APBA3: variants seen among roughly 807,000 people sequenced by gnomAD.
The protein encoded by APBA3 is amyloid beta precursor protein binding family A member 3.
Under a neutral mutation model 55.9 loss-of-function variants are expected in APBA3, and 45 were observed. The observed-to-expected ratio is 0.80, with a 90% CI of 0.63 to 1.03. The LOEUF is 1.03. Among genes scored for constraint, APBA3 ranks in the 50% least tolerant of loss-of-function variants. The pLI is 0.00. For missense variants in APBA3, 865 were observed against 820.3 expected, an observed-to-expected ratio of 1.05 and a Z score of -0.67; for synonymous variants, 370 against 353.3, an observed-to-expected ratio of 1.05 and a Z score of -0.53.
In APBA3 at chr19:3,751,548, C is replaced by T. The variant is rs769775292; in HGVS notation, c.1401G>A (p.Thr467=). The T allele has an allele frequency of 4.4e-6, 7 of 1,589,204 alleles. No homozygotes were observed. Among genetic ancestry groups the T allele is most frequent in the South Asian group, 1.1e-5 (1 of 87,896 alleles). Reference sequence around the variant, plus strand: ...TGAGTGTCACCGACGTCTGCGACTTCGTCTCCTGTGGGGCGGGGGCCGTTG... The same window carrying T: ...TGAGTGTCACCGACGTCTGCGACTTTGTCTCCTGTGGGGCGGGGGCCGTTG... The part of the protein sequence containing the change: ...LAACQAAVRE[T]KSQTSVTLSI... The change falls in exon 9 of 11, where the codon ACG becomes ACA. Residue 467 remains threonine, a synonymous_variant. Coordinates refer to ENST00000316757, the MANE Select transcript of APBA3 (RefSeq NM_004886.4).
intron 3 of APBA3, 82 bp downstream of exon 3, chr19:3,759,478 CA>C: frequency 8.7e-6 from 12 of 1,379,868 alleles, no homozygotes; most frequent in Non-Finnish European, 1.1e-5. Context: ...TCCTTACTGG[CA>C]AGCTGTTGCC....
intron 3 of APBA3, chr19:3,755,126 G>A (rs919837287): frequency 1.3e-5 from 2 of 152,200 alleles, no homozygotes; most frequent in Admixed American, 6.6e-5. Flanking sequence ...CTCTGTTCCC[G>A]GGTTGTAGAA....
rs751715629 is a variant in APBA3, at chr19:3,759,962, C to T, written c.303G>A (p.Gly101=). 1 of 1,610,186 alleles carries T rather than the reference C, an allele frequency of 6.2e-7. No individual in the cohort carries two copies. The highest frequency in any genetic ancestry group is 1.1e-5 in the South Asian group (1 of 90,890). The change falls in exon 2 of 11, where the codon GGG becomes GGA. Residue 101 remains glycine (G), a synonymous_variant. Transcript: ENST00000316757. ...CCCGGCCAGCTTCGGCAGACAGGAG[C>T]CCGTGGGCATCAGCAATCTCCTGGG... ...LASQEIADAH[G]LLSAEAGRDD...
intron 1 of APBA3, among the ~76,000 whole-genome samples, chr19:3,760,536 TCA>T (rs2037132590): frequency 6.6e-6 from 1 of 151,640 alleles, no homozygotes; most frequent in Non-Finnish European, 1.5e-5. Context: ...GATCATGGGG[TCA>T]GGAGTTTGAG....
At position 3,752,895 on chromosome 19, in the gene APBA3, C is replaced by T. The variant is rs2037027665; in HGVS notation, c.1107G>A (p.Val369=). 2 of 1,613,148 alleles carry T rather than the reference C, an allele frequency of 1.2e-6. No individual in the cohort carries two copies. Among genetic ancestry groups the T allele is most frequent in the Non-Finnish European group, 1.7e-6 (2 of 1,179,876 alleles). Residue 369 remains valine (V), a synonymous_variant, in exon 7 of 11, where the codon GTG becomes GTA. Coordinates refer to ENST00000316757, the MANE Select transcript of APBA3 (RefSeq NM_004886.4). ...ESGIDPSQVG[V]HPSPGACHLH... The stretch of plus-strand genomic sequence containing the variant: ...GGTGGCAGGCGCCTGGGCTCGGGTG[C>T]ACGCCCACCTGGCTGGGGTCAATAC...
chr19:3,754,258 C>G lies in APBA3; in HGVS notation c.699G>C (p.Ser233=). The G allele has an allele frequency of 1.3e-6, 2 of 1,548,472 alleles. No individual in the cohort carries two copies. The highest frequency in any genetic ancestry group is 1.7e-6 in the Non-Finnish European group (2 of 1,146,978). ...ARYLGSTQLV[S]ERNPPTSTRM... is the part of the protein sequence containing the mutation. Reference sequence around the variant, plus strand: ...GCGTGCTGGTGGGCGGGTTCCGTTCCGACACCAGCTGGGTGGACCCCAGGT... The same window carrying G: ...GCGTGCTGGTGGGCGGGTTCCGTTCGGACACCAGCTGGGTGGACCCCAGGT... The change falls in exon 4 of 11, where the codon TCG becomes TCC. Residue 233 remains serine, a synonymous_variant. Transcript: ENST00000316757.
At position 3,757,951 on chromosome 19, in the gene APBA3, T is replaced by G. The variant is rs192453159; in HGVS notation, c.616+1610A>C. On this transcript the variant is annotated intron_variant, in intron 3 of 10. Transcript: ENST00000316757. Reference sequence around the variant, plus strand: ...ACACTGAAATTTGTTTTTCTTTTTTTAGAGACAGAGTCTCACTCTATTGCC... The same window carrying G: ...ACACTGAAATTTGTTTTTCTTTTTTGAGAGACAGAGTCTCACTCTATTGCC... Among the ~76,000 whole-genome samples the G allele has an allele frequency of 3.9e-5, 6 of 152,334 alleles. No individual in the cohort carries two copies. In the East Asian group the frequency reaches 1.2e-3, roughly 29 times the overall value.
rs759582896 is a variant in APBA3 at position 3,752,817 on chromosome 19, C to A, written c.1182+3G>T. 1 of 1,612,744 alleles carries A rather than the reference C, an allele frequency of 6.2e-7. No individual in the cohort carries two copies. The highest frequency in any genetic ancestry group is 1.1e-5 in the South Asian group (1 of 91,030). ...GGTGGGGGCTGCCCAGCACCTCACT[C>A]ACCTCCCGGCAGTTGTCACTGTTGG... On this transcript the variant is annotated splice_donor_region_variant and intron_variant, in intron 7 of 10. Transcript: ENST00000316757.
rs749144277 is a variant in APBA3 at position 3,751,551 on chromosome 19, C to A, written c.1398G>T (p.Glu466Asp). ...PLAACQAAVR[E>D]TKSQTSVTLS... ...GTGTCACCGACGTCTGCGACTTCGTCTCCTGTGGGGCGGGGGCCGTTGGCC... is the reference window on the plus strand; with the variant it reads ...GTGTCACCGACGTCTGCGACTTCGTATCCTGTGGGGCGGGGGCCGTTGGCC... The change falls in exon 9 of 11, where the codon GAG becomes GAT. Residue 466 changes from glutamate to aspartate, a missense_variant and splice_region_variant. Physicochemically the swap from Glu to Asp is conservative, Grantham distance 45 (BLOSUM62 2). Transcript: ENST00000316757. 1 of 1,588,702 alleles carries A rather than the reference C, an allele frequency of 6.3e-7. No homozygotes were observed. Among genetic ancestry groups the A allele is most frequent in the Middle Eastern group, 2.3e-4 (1 of 4,430 alleles).
rs919768199 is a variant in APBA3 at position 3,751,230 on chromosome 19, G to A, written c.1615C>T (p.His539Tyr). The A allele has an allele frequency of 3.2e-6, 5 of 1,548,928 alleles. No homozygotes were observed. The highest frequency in any genetic ancestry group is 2.4e-5 in the East Asian group (1 of 41,166). ...INGQSVVATP[H>Y]ARIIELLTEA... ...GTGAGCAGCTCGATGATGCGGGCGTGTGGCGTGGCCACCACACTCTGCCCA... is the reference window on the plus strand; with the variant it reads ...GTGAGCAGCTCGATGATGCGGGCGTATGGCGTGGCCACCACACTCTGCCCA... Residue 539 changes from histidine (H) to tyrosine (Y), a missense_variant, in exon 10 of 11, where the codon CAC (histidine) becomes TAC (tyrosine). His to Tyr is a moderately conservative substitution (Grantham distance 83). Coordinates refer to ENST00000316757, the MANE Select transcript of APBA3 (RefSeq NM_004886.4).
chr19:3,754,295 A>G lies in APBA3; in HGVS notation c.662T>C (p.Phe221Ser), dbSNP rs774414077. The change falls in exon 4 of 11, where the codon TTT becomes TCT. Residue 221 changes from phenylalanine to serine, a missense_variant. Physicochemically the swap from Phe to Ser is radical, Grantham distance 155 (BLOSUM62 -2). Transcript: ENST00000316757. ...DHEDLLDGVI[F>S]GARYLGSTQL... ...GGTGGACCCCAGGTACCTGGCCCCAAATATGACACCGTCCAGGAGGTCTTC... is the reference window on the plus strand; with the variant it reads ...GGTGGACCCCAGGTACCTGGCCCCAGATATGACACCGTCCAGGAGGTCTTC... 5.8e-6 allele frequency: 9 copies of G among 1,555,354 alleles called. No homozygotes were observed. In the South Asian group the frequency reaches 7.1e-5, roughly 12 times the overall value.
At chr19:3,753,079 C>G in intron 6 of APBA3, 89 bp from the exon 7 acceptor site, 1 of 1,448,846 alleles carries the variant, frequency 6.9e-7, no homozygotes, top group Non-Finnish European at 9.3e-7. Flanking sequence ...CTGAGCCCTC[C>G]TGTCCCCACC....
chr19:3,755,813 GA>G (rs5826826), intron 3 of APBA3: 250 of 138,810 alleles, frequency 1.8e-3, no homozygotes, highest in Middle Eastern at 3.7e-3. Context: ...AAACAAAAAG[GA>G]AAAAAAAAAA....
In APBA3 at chr19:3,751,517, C is replaced by T. The variant is rs376088061; in HGVS notation, c.1432G>A (p.Val478Ile). Residue 478 changes from valine to isoleucine, a missense_variant, in exon 9 of 11, where the codon GTC becomes ATC. Coordinates refer to ENST00000316757, the MANE Select transcript of APBA3 (RefSeq NM_004886.4). ...GCGGTGGTGACGGGAGGGCAGTGGACGATGCTGAGTGTCACCGACGTCTGC... is the reference window on the plus strand; with the variant it reads ...GCGGTGGTGACGGGAGGGCAGTGGATGATGCTGAGTGTCACCGACGTCTGC... ...KSQTSVTLSI[V>I]HCPPVTTAII... 217 of 1,588,818 alleles carry T rather than the reference C, an allele frequency of 1.4e-4. 4 individuals carry two copies. Among genetic ancestry groups the T allele is most frequent in the Middle Eastern group, 8.9e-4 (4 of 4,496 alleles).
chr19:3,758,678 C>T (rs995473491), intron 3 of APBA3, among the ~76,000 whole-genome samples: 1 of 151,992 alleles, frequency 6.6e-6, no homozygotes, highest in Non-Finnish European at 1.5e-5. Flanking sequence ...AGGAGTTCAA[C>T]ACCAGCCTGG....
intron 7 of APBA3, 42 bp from the exon 8 acceptor site, chr19:3,752,762 G>C (rs369173168): frequency 6.2e-7 from 1 of 1,608,310 alleles, no homozygotes. Flanking sequence ...AGCAGGGCCC[G>C]GTGCAGGTGC....
Position 3,752,560 on chromosome 19 carries a change from T to C in APBA3, c.1343A>G (p.Asn448Ser), listed in dbSNP as rs768960754. Residue 448 changes from asparagine (N) to serine (S), a missense_variant, in exon 8 of 11, where the codon AAC (asparagine) becomes AGC (serine). Transcript: ENST00000316757. ...LSIGDRLTAI[N>S]GTSLVGLPLA... Reference sequence around the variant, plus strand: ...GGGCAGCCCCACCAGGCTGGTCCCGTTGATGGCGGTCAGGCGGTCCCCGAT... The same window carrying C: ...GGGCAGCCCCACCAGGCTGGTCCCGCTGATGGCGGTCAGGCGGTCCCCGAT... 5.5e-5 allele frequency: 87 copies of C among 1,589,306 alleles called. No homozygotes were observed. Among genetic ancestry groups the C allele is most frequent in the East Asian group, 2.5e-4 (11 of 44,162 alleles).
Position 3,751,270 on chromosome 19 carries a change from GCGGTGGCCGACGCGGATGCCCCCA to G in APBA3, c.1551_1574del (p.Gly518_Arg525del). On this transcript the variant is annotated inframe_deletion, in exon 10 of 11. Coordinates refer to ENST00000316757, the MANE Select transcript of APBA3 (RefSeq NM_004886.4). ...CACTCTGCCCATTGATCTCAATGAT[GCGGTGGCCGACGCGGATGCCCCCA>G]CGCTCGGCGATGCCACCACGGAGGA... 2 of 1,544,670 alleles carry G rather than the reference GCGGTGGCCGACGCGGATGCCCCCA, an allele frequency of 1.3e-6. No individual in the cohort carries two copies. The highest frequency in any genetic ancestry group is 8.7e-7 in the Non-Finnish European group (1 of 1,147,466).
rs766135793 is a variant in APBA3 at position 3,760,026 on chromosome 19, G to A, written c.239C>T (p.Pro80Leu). ...GCCTGTGGCAATGTGTAGGGGACAG[G>A]GGGCTCCACCTGGGGATGGGCCCAC... ...DLVGPSPGGAPCPLHIATGHG... is the reference protein window; with the variant it reads ...DLVGPSPGGALCPLHIATGHG... The change falls in exon 2 of 11, where the codon CCC becomes CTC. Residue 80 changes from proline to leucine, a missense_variant. By Grantham distance (98) the Pro-to-Leu change is moderately conservative (BLOSUM62 -3). Coordinates refer to ENST00000316757, the MANE Select transcript of APBA3 (RefSeq NM_004886.4). 6.2e-7 allele frequency: 1 copy of A among 1,613,082 alleles called. No homozygotes were observed. Among genetic ancestry groups the A allele is most frequent in the Non-Finnish European group, 8.5e-7 (1 of 1,179,992 alleles).
Sources: allele counts gnomAD v4.1 joint callset (sites outside exome capture counted in the v4.1 genomes callset), GRCh38; gene constraint gnomAD v4.1.1; transcripts MANE v1.5; gene names NCBI Gene and HGNC (gene_info 2026-07-23, HGNC 2026-07-21).